HPSE2: variants seen among roughly 807,000 people sequenced by gnomAD.
HPSE2 encodes inactive heparanase-2.
A neutral mutation model predicts 60.5 loss-of-function variants in HPSE2; 38 were observed. The observed-to-expected ratio is 0.63, with a 90% CI of 0.48 to 0.82. HPSE2 has a LOEUF of 0.82. Ranked by LOEUF, HPSE2 falls within the 40% of genes least tolerant of loss-of-function variation. The probability of loss-of-function intolerance (pLI) is 0.00; values close to 1 mark genes in which losing one functional copy is unlikely to be tolerated. For missense variants in HPSE2, 713 were observed against 740.4 expected, an observed-to-expected ratio of 0.96 and a Z score of 0.43; for synonymous variants, 295 against 293.2, an observed-to-expected ratio of 1.01 and a Z score of -0.06.
At chr10:99,172,590 C>T (rs1847353823) in intron 2 of HPSE2, among the ~76,000 whole-genome samples, 1 of 152,118 alleles carries the variant, frequency 6.6e-6, no homozygotes, top group Non-Finnish European at 1.5e-5. Flanking sequence ...AACTCTGAAA[C>T]AATATAGTAA....
At chr10:98,999,337 G>T (rs1269333100) in intron 3 of HPSE2, among the ~76,000 whole-genome samples, 1 of 152,188 alleles carries the variant, frequency 6.6e-6, no homozygotes, top group Non-Finnish European at 1.5e-5. Flanking sequence ...ACAAACATTT[G>T]TGGGCAATTT....
chr10:98,944,243 AG>A, intron 3 of HPSE2, among the ~76,000 whole-genome samples: 1 of 152,254 alleles, frequency 6.6e-6, no homozygotes, highest in Admixed American at 6.5e-5. Context: ...CAGTATCTAA[AG>A]CAGCAGAGGC....
intron 3 of HPSE2, chr10:99,013,893 G>T: frequency 2.4e-6 from 1 of 409,118 alleles, no homozygotes; most frequent in South Asian, 1.9e-5. Context: ...GCCCAATAAT[G>T]ATACTTTTGT....
At chr10:98,808,767 G>T (rs566460310) in intron 3 of HPSE2, among the ~76,000 whole-genome samples, 2 of 152,180 alleles carry the variant, frequency 1.3e-5, no homozygotes, top group South Asian at 4.2e-4. Flanking sequence ...TCTATATAAA[G>T]ACTTATATTC....
intron 3 of HPSE2, among the ~76,000 whole-genome samples, chr10:98,903,823 A>G (rs959370335): frequency 5.9e-5 from 9 of 152,170 alleles, no homozygotes; most frequent in African/African-American, 2.2e-4. Context: ...AGACAGATGT[A>G]TAAACACACA....
At chr10:99,182,912 C>T (rs772659920) in intron 2 of HPSE2, among the ~76,000 whole-genome samples, 5 of 151,996 alleles carry the variant, frequency 3.3e-5, no homozygotes, top group Non-Finnish European at 5.9e-5. Context: ...AGGAGAATGG[C>T]GTGAACCCGG....
At chr10:99,027,865 T>C (rs1316126109) in intron 3 of HPSE2, among the ~76,000 whole-genome samples, 1 of 152,118 alleles carries the variant, frequency 6.6e-6, no homozygotes, top group East Asian at 1.9e-4. Flanking sequence ...ATGCAAATCA[T>C]CCAATATGAT....
intron 2 of HPSE2, among the ~76,000 whole-genome samples, chr10:99,199,585 C>T (rs1848510564): frequency 6.6e-6 from 1 of 152,000 alleles, no homozygotes; most frequent in Non-Finnish European, 1.5e-5. Flanking sequence ...ATTATTTGAC[C>T]ATATATGCAT....
chr10:98,889,364 CTTTTTTT>C (rs71009714), intron 3 of HPSE2, among the ~76,000 whole-genome samples: 1 of 141,100 alleles, frequency 7.1e-6, no homozygotes, highest in Admixed American at 7.1e-5. Context: ...TCTCTCTTTT[CTTTTTTT>C]TTTTTTTGTA....
intron 2 of HPSE2, among the ~76,000 whole-genome samples, chr10:99,152,907 G>A (rs1327135019): frequency 6.6e-6 from 1 of 152,254 alleles, no homozygotes; most frequent in African/African-American, 2.4e-5. Context: ...TCGTGCGCGA[G>A]CCGAAGCAGG....
chr10:99,120,676 G>C (rs2135710087), intron 3 of HPSE2, among the ~76,000 whole-genome samples: 1 of 152,254 alleles, frequency 6.6e-6, no homozygotes, highest in South Asian at 2.1e-4. Context: ...GTTTCACCAT[G>C]TTGGCCAGGA....
intron 3 of HPSE2, among the ~76,000 whole-genome samples, chr10:98,751,525 G>C (rs187712045): frequency 3.9e-5 from 6 of 152,054 alleles, no homozygotes; most frequent in African/African-American, 1.4e-4. Flanking sequence ...TTTTTTCTGT[G>C]TGGTTAAGAA....
intron 3 of HPSE2, among the ~76,000 whole-genome samples, chr10:99,089,906 A>G (rs1738641000): frequency 6.6e-6 from 1 of 152,086 alleles, no homozygotes; most frequent in Non-Finnish European, 1.5e-5. Flanking sequence ...GGTTAAGTAT[A>G]TTCTTAAGTA....
At chr10:99,229,261 T>C (rs1849573224) in intron 2 of HPSE2, among the ~76,000 whole-genome samples, 1 of 152,016 alleles carries the variant, frequency 6.6e-6, no homozygotes, top group Admixed American at 6.6e-5. Context: ...CAACTATCCA[T>C]TCATTTTAAC....
chr10:99,232,651 TG>T, intron 1 of HPSE2, 146 bp from the exon 2 acceptor site: 1 of 928,398 alleles, frequency 1.1e-6, no homozygotes, highest in Admixed American at 2.3e-5. Context: ...CAGTCCACGC[TG>T]GCCCTTGGCC....
intron 3 of HPSE2, among the ~76,000 whole-genome samples, chr10:98,821,746 A>C (rs1023123110): frequency 1.6e-4 from 24 of 152,074 alleles, no homozygotes; most frequent in African/African-American, 5.8e-4. Flanking sequence ...TTTGTCAATA[A>C]TTTATTAAAT....
intron 4 of HPSE2, 101 bp from the exon 5 acceptor site, chr10:98,721,929 A>G (rs1207453142): frequency 2.0e-6 from 2 of 980,746 alleles, no homozygotes; most frequent in African/African-American, 1.7e-5. Flanking sequence ...ATAATATGAA[A>G]AAAAAAAACA....
intron 2 of HPSE2, among the ~76,000 whole-genome samples, chr10:99,153,189 T>C (rs1417599025): frequency 1.3e-5 from 2 of 152,174 alleles, no homozygotes; most frequent in African/African-American, 4.8e-5. Flanking sequence ...GCGCCCGCCA[T>C]TGCCCAGGCT....
intron 9 of HPSE2, among the ~76,000 whole-genome samples, chr10:98,541,623 C>T (rs1187617118): frequency 2.0e-5 from 3 of 152,168 alleles, no homozygotes; most frequent in South Asian, 2.1e-4. Context: ...CCGAATACTG[C>T]GCTTTTCTGA....
Sources: allele counts gnomAD v4.1 joint callset (sites outside exome capture counted in the v4.1 genomes callset), GRCh38; gene constraint gnomAD v4.1.1; transcripts MANE v1.5; gene names NCBI Gene and HGNC (gene_info 2026-07-23, HGNC 2026-07-21).